Variants in TMC1 observed in about 807,000 individuals in gnomAD.
TMC1 encodes the protein transmembrane channel-like protein 1.
In TMC1, 84 loss-of-function variants were observed where a neutral mutation model predicts 105.8. The ratio of observed to expected loss-of-function variants is 0.79; its 90% CI spans 0.67 to 0.95. The LOEUF is 0.95. TMC1 is among the 40% of genes least tolerant of loss of function. TMC1 has a pLI of 0.00. For missense variants in TMC1, 817 were observed against 914.1 expected (o/e 0.89, Z 1.37); for synonymous variants, 315 against 311.5 (o/e 1.01, Z -0.12).
chr9:72,537,110 G>A (rs557202038), intron 1 of TMC1, among the ~76,000 whole-genome samples: 9 of 152,294 alleles, frequency 5.9e-5, no homozygotes, highest in Middle Eastern at 3.4e-3. Context: ...GGGGCCATTG[G>A]AGCCATGGAT....
intron 23 of TMC1, 56 bp downstream of exon 23, chr9:72,830,738 CTT>C (rs71495342): frequency 0.03 from 32,090 of 1,086,398 alleles, no homozygotes; most frequent in South Asian, 0.032. Context: ...CTTTTTCTTT[CTT>C]TTTTTTTTTT....
At chr9:72,694,440 T>C in intron 6 of TMC1, 103 bp from the exon 7 acceptor site, 2 of 971,434 alleles carry the variant, frequency 2.1e-6, no homozygotes, top group Non-Finnish European at 3.2e-6. Context: ...TGCTAGACTG[T>C]GCTGTCAGAT....
chr9:72,683,745 A>ATATATATATATG (rs1181756969), intron 5 of TMC1, among the ~76,000 whole-genome samples: 1 of 98,254 alleles, frequency 1.0e-5, no homozygotes, highest in East Asian at 3.5e-4. Context: ...ATATATATAT[A>ATATATATATATG]TATATATATA....
At chr9:72,773,906 TCTC>T (rs553097668) in intron 13 of TMC1, among the ~76,000 whole-genome samples, 76 of 152,318 alleles carry the variant, frequency 5.0e-4, no homozygotes, top group African/African-American at 1.7e-3. Context: ...ACTGCTTTGT[TCTC>T]CTGTTTCCCC....
chr9:72,677,702 CT>C (rs1448302962), intron 5 of TMC1, among the ~76,000 whole-genome samples: 6 of 152,112 alleles, frequency 3.9e-5, no homozygotes, highest in African/African-American at 1.2e-4. Flanking sequence ...ACAACCCAAA[CT>C]GAAAAATGTT....
In TMC1 at chr9:72,668,161, C is replaced by T. The variant is rs569850160; in HGVS notation, c.16+19497C>T. On this transcript the variant is annotated intron_variant, in intron 5 of 23. Coordinates refer to ENST00000297784, the MANE Select transcript of TMC1 (RefSeq NM_138691.3). ...GTGCCTTTTATATATCAGGCAATGC[C>T]TAGTGTATAATATTTTTACTTATGG... Among the ~76,000 whole-genome samples, 26 of 152,206 alleles carry T rather than the reference C, an allele frequency of 1.7e-4. No individual in the cohort carries two copies. The South Asian group carries it at 5.0e-3, about 29-fold the overall frequency.
chr9:72,598,534 C>T (rs1824757083), intron 2 of TMC1, among the ~76,000 whole-genome samples: 1 of 151,852 alleles, frequency 6.6e-6, no homozygotes, highest in African/African-American at 2.4e-5. Context: ...CTTTTTCTGC[C>T]CCCAGAGGTT....
At chr9:72,715,777 A>G (rs1826906687) in intron 8 of TMC1, among the ~76,000 whole-genome samples, 1 of 152,012 alleles carries the variant, frequency 6.6e-6, no homozygotes, top group South Asian at 2.1e-4. Context: ...CGTCAAACTC[A>G]TTCTCCATCC....
intron 1 of TMC1, among the ~76,000 whole-genome samples, chr9:72,546,034 C>A (rs772104998): frequency 1.1e-4 from 16 of 151,410 alleles, no homozygotes; most frequent in Admixed American, 2.0e-4. Context: ...TGTAATCCCA[C>A]CACTTTGGGA....
At chr9:72,547,211 T>C (rs1289236018) in intron 1 of TMC1, among the ~76,000 whole-genome samples, 1 of 142,908 alleles carries the variant, frequency 7.0e-6, no homozygotes, top group Admixed American at 7.4e-5. Flanking sequence ...GGTTTAAACC[T>C]GGGAGGCGGA....
At chr9:72,816,842 C>T (rs982057109) in intron 19 of TMC1, among the ~76,000 whole-genome samples, 4 of 152,116 alleles carry the variant, frequency 2.6e-5, no homozygotes, top group East Asian at 3.9e-4. Context: ...TAAGATGAGT[C>T]GATACAGTAG....
intron 12 of TMC1, among the ~76,000 whole-genome samples, chr9:72,765,502 G>T (rs1251981391): frequency 6.6e-6 from 1 of 151,668 alleles, no homozygotes. Flanking sequence ...ATTGGGAAGC[G>T]AATTCCAAGC....
At chr9:72,637,098 CA>C (rs969797821) in intron 4 of TMC1, among the ~76,000 whole-genome samples, 54 of 151,350 alleles carry the variant, frequency 3.6e-4, no homozygotes, top group African/African-American at 1.3e-3. Context: ...AGGAGACGGG[CA>C]AAAATGTCAG....
At chr9:72,649,630 A>G (rs1349223038) in intron 5 of TMC1, among the ~76,000 whole-genome samples, 1 of 152,222 alleles carries the variant, frequency 6.6e-6, no homozygotes, top group Non-Finnish European at 1.5e-5. Context: ...TTGAAAAAAC[A>G]AAAACAAAAC....
At chr9:72,778,999 C>T (rs1828049342) in intron 13 of TMC1, among the ~76,000 whole-genome samples, 1 of 152,242 alleles carries the variant, frequency 6.6e-6, no homozygotes, top group Admixed American at 6.5e-5. Context: ...ACAGACCCCA[C>T]TGCCACTGCC....
At chr9:72,833,251 T>G (rs1362665034) in intron 23 of TMC1, among the ~76,000 whole-genome samples, 1 of 152,114 alleles carries the variant, frequency 6.6e-6, no homozygotes, top group Admixed American at 6.5e-5. Context: ...ACTTTAAAAT[T>G]TTCTCAGGAT....
At chr9:72,577,877 T>C (rs1824411006) in intron 1 of TMC1, 25 bp from the exon 2 acceptor site, 1 of 151,952 alleles carries the variant, frequency 6.6e-6, no homozygotes, top group African/African-American at 2.4e-5. Context: ...TCTTTATTTA[T>C]ATTTATTTAT....
At chr9:72,815,856 G>C (rs988346126) in intron 18 of TMC1, among the ~76,000 whole-genome samples, 1 of 152,042 alleles carries the variant, frequency 6.6e-6, no homozygotes, top group African/African-American at 2.4e-5. Context: ...TTGTTTTTCT[G>C]AAAGGTTGCT....
At chr9:72,780,292 A>G (rs533730664) in intron 13 of TMC1, among the ~76,000 whole-genome samples, 1 of 152,182 alleles carries the variant, frequency 6.6e-6, no homozygotes, top group Admixed American at 6.5e-5. Flanking sequence ...ACTGTTACCA[A>G]CTACCACAAA....
Sources: allele counts gnomAD v4.1 joint callset (sites outside exome capture counted in the v4.1 genomes callset), GRCh38; gene constraint gnomAD v4.1.1; transcripts MANE v1.5; gene names NCBI Gene and HGNC (gene_info 2026-07-23, HGNC 2026-07-21).